Variants in EQTN observed in about 807,000 individuals in gnomAD.
EQTN encodes the protein Acrosome formation associated factor.
A neutral mutation model predicts 26.9 loss-of-function variants in EQTN; 29 were observed. The observed-to-expected ratio is 1.08, with a 90% confidence interval of 0.80 to 1.47. EQTN has a LOEUF of 1.47. EQTN is among the 40% of genes most tolerant of loss of function. The pLI, the probability that EQTN is intolerant of heterozygous loss-of-function variation, is 0.00. For synonymous variants in EQTN, 129 were observed against 120.0 expected, an observed-to-expected ratio of 1.07 and a Z score of -0.49; for missense variants, 391 against 346.1, an observed-to-expected ratio of 1.13 and a Z score of -1.03.
At position 27,292,352 on chromosome 9, in the gene EQTN, C is replaced by A; in HGVS notation, c.376+49G>T. On this transcript the variant is annotated intron_variant, in intron 4 of 7. Transcript: ENST00000380032. Reference sequence around the variant, plus strand: ...AGTAGTGAAACTTAAATTTTTAAGTCACATAATGATATTCTCCAGGTATGA... The same window carrying A: ...AGTAGTGAAACTTAAATTTTTAAGTAACATAATGATATTCTCCAGGTATGA... 2.3e-6 allele frequency: 3 copies of A among 1,281,582 alleles called. No homozygotes were observed. In the South Asian group the frequency reaches 4.0e-5, roughly 17 times the overall value. The allele number at this position is 1,281,582 out of a possible 1,614,324, so 79.4% of individuals were successfully genotyped here. A position where few individuals can be genotyped will look rare whatever the true frequency, so the allele number is the denominator to read the frequency against.
chr9:27,295,958 A>G (rs1820334200), intron 2 of EQTN, among the ~76,000 whole-genome samples: 1 of 152,174 alleles, frequency 6.6e-6, no homozygotes, highest in African/African-American at 2.4e-5. Flanking sequence ...AAATAAATAA[A>G]CAGAACTGAT....
Position 27,284,820 on chromosome 9 carries a change from G to T in EQTN, c.788C>A (p.Ser263Ter). The change falls in exon 8 of 8, where the codon TCA becomes TAA. Residue 263 changes from serine to a stop codon, truncating the protein, a stop_gained. Transcript: ENST00000380032. LOFTEE classifies it low-confidence loss of function (END_TRUNC). ...CTTAGATTCTGATGTTCTTGTGCCT[G>T]ATCTTCTCATATCTGAAGAAGTGGT... ...LGTTSSDMRR[S>*]GTRTSESKIM... 1 of 1,614,068 alleles carries T rather than the reference G, an allele frequency of 6.2e-7. No individual in the cohort carries two copies. Among genetic ancestry groups the T allele is most frequent in the Non-Finnish European group, 8.5e-7 (1 of 1,179,994 alleles).
chr9:27,293,552 C>T (rs1795013531), intron 3 of EQTN, among the ~76,000 whole-genome samples: 1 of 152,154 alleles, frequency 6.6e-6, no homozygotes, highest in Non-Finnish European at 1.5e-5. Context: ...TGACAATCCT[C>T]TGGGGGCCTG....
intron 5 of EQTN, 43 bp downstream of exon 5, chr9:27,290,976 A>G: frequency 1.9e-6 from 3 of 1,585,724 alleles, no homozygotes; most frequent in East Asian, 2.2e-5. Context: ...AAGATTTTAG[A>G]AAACCAAAAT....
chr9:27,291,050 G>C lies in EQTN; in HGVS notation c.390C>G (p.Asn130Lys). 6.2e-7 allele frequency: 1 copy of C among 1,611,546 alleles called. No individual in the cohort carries two copies. The highest frequency in any genetic ancestry group is 8.5e-7 in the Non-Finnish European group (1 of 1,179,018). Residue 130 changes from asparagine (N) to lysine (K), a missense_variant, in exon 5 of 8, where the codon AAC becomes AAG. Physicochemically the swap from Asn to Lys is moderately conservative, Grantham distance 94. Transcript: ENST00000380032. ...CTAACATTGTCCAAAATGCAGGCAC[G>C]TTTGGGGTTGATCCTGTTAAAACAA... is the stretch of plus-strand genomic sequence containing the variant. ...SHKNIQRSTP[N>K]VPAFWTMLAK...
At chr9:27,295,477 A>G (rs915191788) in intron 2 of EQTN, among the ~76,000 whole-genome samples, 11 of 152,240 alleles carry the variant, frequency 7.2e-5, no homozygotes, top group African/African-American at 2.7e-4. Flanking sequence ...CTTGAAAAAC[A>G]TAATGTTTTA....
chr9:27,287,985 T>C (rs905876847), intron 6 of EQTN, among the ~76,000 whole-genome samples: 9 of 152,118 alleles, frequency 5.9e-5, no homozygotes, highest in African/African-American at 2.2e-4. Context: ...TTGGTATTTT[T>C]AACAGAGACG....
In EQTN at chr9:27,284,809, T is replaced by A. The variant is rs1412723426; in HGVS notation, c.799A>T (p.Thr267Ser). 6.2e-7 allele frequency: 1 copy of A among 1,614,052 alleles called. No homozygotes were observed. The highest frequency in any genetic ancestry group is 8.5e-7 in the Non-Finnish European group (1 of 1,180,028). The change falls in exon 8 of 8, where the codon ACA becomes TCA. Residue 267 changes from threonine to serine, a missense_variant. Thr to Ser is a moderately conservative substitution (Grantham distance 58, BLOSUM62 1). Coordinates refer to ENST00000380032, the MANE Select transcript of EQTN (RefSeq NM_020641.3). Reference protein sequence around the residue: ...SSDMRRSGTRTSESKIMTDII... With the variant: ...SSDMRRSGTRSSESKIMTDII... ...TCCGTCATTATCTTAGATTCTGATGTTCTTGTGCCTGATCTTCTCATATCT... is the reference window on the plus strand; with the variant it reads ...TCCGTCATTATCTTAGATTCTGATGATCTTGTGCCTGATCTTCTCATATCT...
Position 27,286,200 on chromosome 9 carries a change from C to G in EQTN, c.635+9G>C. On this transcript the variant is annotated intron_variant, in intron 7 of 7. Coordinates refer to ENST00000380032, the MANE Select transcript of EQTN (RefSeq NM_020641.3). ...TTGTTGTAAAGACTGCAGAGGTCTG[C>G]AGACTTACCTCAGATGCCTCAGTTT... The G allele has an allele frequency of 6.2e-7, 1 of 1,613,116 alleles. No homozygotes were observed. The highest frequency in any genetic ancestry group is 8.5e-7 in the Non-Finnish European group (1 of 1,179,384).
At chr9:27,293,171 A>C (rs952066141) in intron 3 of EQTN, among the ~76,000 whole-genome samples, 4 of 152,152 alleles carry the variant, frequency 2.6e-5, no homozygotes, top group African/African-American at 9.7e-5. Context: ...AGAGGGGCAG[A>C]AAAAATTCAC....
chr9:27,286,243 A>G lies in EQTN; in HGVS notation c.601T>C (p.Cys201Arg), dbSNP rs1336349711. ...LLLFVVLLAF[C>R]SATLYKLRHL... ...CTCAGTTTGTACAGTGTAGCACTACAGAATGCCAAGAGGACCACAAAGAGG... is the reference window on the plus strand; with the variant it reads ...CTCAGTTTGTACAGTGTAGCACTACGGAATGCCAAGAGGACCACAAAGAGG... The change falls in exon 7 of 8, where the codon TGT (cysteine) becomes CGT (arginine). Residue 201 changes from cysteine (C) to arginine (R), a missense_variant. Physicochemically the swap from Cys to Arg is radical, Grantham distance 180. Transcript: ENST00000380032. 6.2e-7 allele frequency: 1 copy of G among 1,614,030 alleles called. No individual in the cohort carries two copies. The highest frequency in any genetic ancestry group is 1.7e-5 in the Admixed American group (1 of 59,986).
Position 27,297,093 on chromosome 9 carries a change from T to C in EQTN, c.-38A>G, listed in dbSNP as rs773531293. The C allele has an allele frequency of 6.8e-7, 1 of 1,466,530 alleles. No individual in the cohort carries two copies. Among genetic ancestry groups the C allele is most frequent in the Admixed American group, 1.8e-5 (1 of 54,524 alleles). The allele number at this position is 1,466,530 out of a possible 1,614,324, so 90.8% of individuals were successfully genotyped here. ...GTGATTTATCCAGTAATCTAGTGCG[T>C]CTACCCAGAGCCTCCTTTCTGTGGC... On this transcript the variant is annotated 5_prime_UTR_variant, in exon 1 of 8. Transcript: ENST00000380032.
chr9:27,292,624 T>C (rs1185745831), intron 3 of EQTN, 137 bp from the exon 4 acceptor site: 1 of 535,556 alleles, frequency 1.9e-6, no homozygotes, highest in Middle Eastern at 4.4e-4. Context: ...AGAAAGACAT[T>C]AACATTTTCC....
intron 5 of EQTN, among the ~76,000 whole-genome samples, chr9:27,290,238 C>T (rs554856005): frequency 2.2e-4 from 33 of 152,176 alleles, no homozygotes; most frequent in African/African-American, 7.9e-4. Flanking sequence ...AAAAACGTGG[C>T]ATTAAGTGGG....
intron 5 of EQTN, among the ~76,000 whole-genome samples, chr9:27,290,220 A>G (rs7875391): frequency 0.35 from 53,172 of 151,998 alleles, 10,919 homozygotes; most frequent in African/African-American, 0.57. Flanking sequence ...AAAAGCACAA[A>G]AAATGCAAAA....
intron 6 of EQTN, among the ~76,000 whole-genome samples, chr9:27,286,633 C>T (rs555935083): frequency 6.6e-6 from 1 of 152,318 alleles, no homozygotes; most frequent in South Asian, 2.1e-4. Flanking sequence ...TTGCGCATAG[C>T]ACATAGTAAG....
rs1820112749 is a variant in EQTN, at chr9:27,286,082, G to T, written c.635+127C>A. The T allele has an allele frequency of 3.2e-6, 3 of 937,594 alleles. No homozygotes were observed. In the Admixed American group the frequency reaches 7.6e-5, roughly 24 times the overall value. The allele number at this position is 937,594 out of a possible 1,614,324, so 58.1% of individuals were successfully genotyped here. A position where few individuals can be genotyped will look rare whatever the true frequency, so the allele number is the denominator to read the frequency against. ...GTGCTCCATCCGAATAGGGTAAATG[G>T]AATCAATTTGAATGTCGTATGGATG... On this transcript the variant is annotated intron_variant, in intron 7 of 7. Coordinates refer to ENST00000380032, the MANE Select transcript of EQTN (RefSeq NM_020641.3).
rs1282793971 is a variant in EQTN at position 27,289,745 on chromosome 9, T to C, written c.422-14A>G. ...TTCCATTTATAGCTGTTAAAACAAA[T>C]TGGGGTTATGGTAAACAACGTTCAC... On this transcript the variant is annotated splice_polypyrimidine_tract_variant and intron_variant, in intron 5 of 7. Transcript: ENST00000380032. 3.1e-5 allele frequency: 49 copies of C among 1,598,906 alleles called. No homozygotes were observed. Among genetic ancestry groups the C allele is most frequent in the Non-Finnish European group, 4.2e-5 (49 of 1,171,044 alleles).
intron 3 of EQTN, among the ~76,000 whole-genome samples, chr9:27,293,838 C>T (rs1820284903): frequency 6.6e-6 from 1 of 152,096 alleles, no homozygotes; most frequent in Non-Finnish European, 1.5e-5. Flanking sequence ...TATCAAGTAG[C>T]TTTGTTAATA....
Sources: gnomAD v4.1 joint callset for allele counts (sites outside exome capture counted in the v4.1 genomes callset) on GRCh38, gnomAD v4.1.1 for gene constraint, MANE v1.5 for transcripts, NCBI Gene and HGNC (gene_info 2026-07-23, HGNC 2026-07-21) for gene names.